The following TSHZ2 variants were observed in gnomAD, a reference collection of about 807,000 sequenced individuals.
The protein encoded by TSHZ2 is teashirt zinc finger homeobox 2.
TSHZ2 carries 21 observed loss-of-function variants against 74.4 expected under a neutral mutation model. The observed-to-expected ratio is 0.28, with a 90% confidence interval of 0.20 to 0.41. TSHZ2 has a LOEUF of 0.41. Among genes scored for constraint, TSHZ2 ranks in the 10% least tolerant of loss-of-function variants. The probability of loss-of-function intolerance (pLI) is 1.00; values close to 1 mark genes in which losing one functional copy is unlikely to be tolerated. For missense variants in TSHZ2, 1,244 were observed against 1,293.5 expected (o/e 0.96, Z 0.59); for synonymous variants, 540 against 515.3 (o/e 1.05, Z -0.65).
intron 1 of TSHZ2, among the ~76,000 whole-genome samples, chr20:53,031,234 G>A (rs959530164): frequency 3.3e-5 from 5 of 152,190 alleles, no homozygotes; most frequent in African/African-American, 1.2e-4. Flanking sequence ...ATATTCACAA[G>A]CTTTGAAGGT....
At chr20:53,429,821 T>TTG (rs145356694) in intron 2 of TSHZ2, among the ~76,000 whole-genome samples, 15 of 151,620 alleles carry the variant, frequency 9.9e-5, no homozygotes, top group East Asian at 1.9e-4. Flanking sequence ...GCATATTCAA[T>TTG]TGTGTGTGTG....
intron 1 of TSHZ2, among the ~76,000 whole-genome samples, chr20:53,173,154 T>G (rs767364860): frequency 2.0e-5 from 3 of 152,148 alleles, no homozygotes; most frequent in Non-Finnish European, 4.4e-5. Flanking sequence ...ACAGTCTAGC[T>G]GAGAACAGGA....
At chr20:53,342,298 C>CTT (rs150260645) in intron 2 of TSHZ2, among the ~76,000 whole-genome samples, 3 of 115,348 alleles carry the variant, frequency 2.6e-5, no homozygotes, top group Admixed American at 9.1e-5. Context: ...TCTTCTCAGG[C>CTT]TTTTTTTTTT....
At position 53,256,553 on chromosome 20, in the gene TSHZ2, A is replaced by G. The variant is rs762273377; in HGVS notation, c.3095A>G (p.Asp1032Gly). ...CATTCACAGTTTGTAACAGACGTGGATGAAGAATAGCTCTGCAGGTATGGG... is the reference window on the plus strand; with the variant it reads ...CATTCACAGTTTGTAACAGACGTGGGTGAAGAATAGCTCTGCAGGTATGGG... ...EHHSQFVTDVDEE is the reference protein window; with the variant it reads ...EHHSQFVTDVGEE The change falls in exon 2 of 3, where the codon GAT becomes GGT. Residue 1032 changes from aspartate (D) to glycine (G), a missense_variant. Physicochemically the swap from Asp to Gly is moderately conservative, Grantham distance 94. Around this residue, in one of 6 missense-constraint regions of TSHZ2, gnomAD observed 185 missense variants for 213.3 expected, o/e 0.87. Transcript: ENST00000371497. The surrounding 1 kb of genome is among the most constrained non-coding windows in gnomAD (Gnocchi z 4.3). The G allele has an allele frequency of 1.0e-5, 16 of 1,586,468 alleles. No homozygotes were observed. Among genetic ancestry groups the G allele is most frequent in the Non-Finnish European group, 1.3e-5 (15 of 1,162,806 alleles).
At chr20:53,478,671 A>T (rs1052188108) in intron 2 of TSHZ2, among the ~76,000 whole-genome samples, 9 of 151,532 alleles carry the variant, frequency 5.9e-5, no homozygotes, top group South Asian at 2.1e-4. Context: ...AATAAATAAA[A>T]AATAAAAATA....
chr20:53,268,203 C>A (rs559825976), intron 2 of TSHZ2, among the ~76,000 whole-genome samples: 1 of 152,256 alleles, frequency 6.6e-6, no homozygotes, highest in East Asian at 1.9e-4. Flanking sequence ...CATGTTGGAG[C>A]CTCCAATACA....
intron 1 of TSHZ2, among the ~76,000 whole-genome samples, chr20:53,184,604 A>G (rs149828318): frequency 6.8e-4 from 103 of 152,372 alleles, no homozygotes; most frequent in Non-Finnish European, 1.1e-3. Flanking sequence ...GCATATATGT[A>G]TATTTAAACA....
chr20:53,470,636 G>C (rs1377205496), intron 2 of TSHZ2, among the ~76,000 whole-genome samples: 1 of 152,024 alleles, frequency 6.6e-6, no homozygotes, highest in African/African-American at 2.4e-5. Flanking sequence ...GGCCAAAATA[G>C]TGAAACCCGC....
At chr20:53,045,180 C>T (rs976749020) in intron 1 of TSHZ2, among the ~76,000 whole-genome samples, 1 of 152,170 alleles carries the variant, frequency 6.6e-6, no homozygotes, top group Admixed American at 6.5e-5. Flanking sequence ...AGAGCAGCCA[C>T]CATCTGACAC....
chr20:53,182,253 ATT>A (rs1298516650), intron 1 of TSHZ2, among the ~76,000 whole-genome samples: 1 of 76,762 alleles, frequency 1.3e-5, no homozygotes, highest in African/African-American at 4.6e-5. Context: ...TCCTTCTATC[ATT>A]TTTTCTCTCC....
rs183005056 is a variant in TSHZ2, at chr20:53,280,700, T to G, written c.*8+24129T>G. 2.7e-3 allele frequency among the ~76,000 whole-genome samples: 410 copies of G among 151,950 alleles called. 4 individuals are homozygous for G. Among genetic ancestry groups the G allele is most frequent in the African/African-American group, 9.6e-3 (396 of 41,370 alleles). Reference sequence around the variant, plus strand: ...TTGTTGTTGTGTGTGGGGGTTTTTTTGTGTGTTTTTTTGAGATGGAGTCTA... The same window carrying G: ...TTGTTGTTGTGTGTGGGGGTTTTTTGGTGTGTTTTTTTGAGATGGAGTCTA... On this transcript the variant is annotated intron_variant, in intron 2 of 2. Coordinates refer to ENST00000371497, the MANE Select transcript of TSHZ2 (RefSeq NM_173485.6).
intron 2 of TSHZ2, among the ~76,000 whole-genome samples, chr20:53,292,687 T>A (rs1991302850): frequency 6.6e-6 from 1 of 152,120 alleles, no homozygotes; most frequent in Non-Finnish European, 1.5e-5. Flanking sequence ...TGGCTACAAT[T>A]TCCTTTTCCA....
chr20:53,307,306 C>G (rs1395438670), intron 2 of TSHZ2, among the ~76,000 whole-genome samples: 1 of 152,120 alleles, frequency 6.6e-6, no homozygotes, highest in African/African-American at 2.4e-5. Flanking sequence ...TACAAAAGAG[C>G]TGACCCAAAC....
intron 1 of TSHZ2, among the ~76,000 whole-genome samples, chr20:53,223,414 C>G (rs972317290): frequency 1.3e-5 from 2 of 152,002 alleles, no homozygotes; most frequent in Non-Finnish European, 2.9e-5. Context: ...TTATTTGAGA[C>G]GGGGTCTTGC....
At chr20:53,027,503 A>G (rs932207943) in intron 1 of TSHZ2, among the ~76,000 whole-genome samples, 6 of 152,178 alleles carry the variant, frequency 3.9e-5, no homozygotes, top group African/African-American at 1.4e-4. Context: ...AGGGGAAGGG[A>G]TGGTAGAAGA....
intron 1 of TSHZ2, among the ~76,000 whole-genome samples, chr20:53,070,690 A>G (rs1985144848): frequency 6.6e-6 from 1 of 152,178 alleles, no homozygotes; most frequent in African/African-American, 2.4e-5. Flanking sequence ...TTACCAATGT[A>G]GTGGCTTTTA....
At chr20:53,283,402 C>A (rs1991102427) in intron 2 of TSHZ2, among the ~76,000 whole-genome samples, 1 of 152,168 alleles carries the variant, frequency 6.6e-6, no homozygotes, top group Non-Finnish European at 1.5e-5. Flanking sequence ...TGCCATCACA[C>A]CAGATAGGTC....
chr20:53,494,897 T>A lies in TSHZ2; in HGVS notation c.*7762T>A, dbSNP rs1173093922. On this transcript the variant is annotated 3_prime_UTR_variant, in exon 3 of 3. Transcript: ENST00000371497. ...AGTTATTGGAAATAGACTGTTCCCA[T>A]CTGAAACCGTATCGTAATTTGCATC... is the stretch of plus-strand genomic sequence containing the variant. 1 of 152,064 alleles carries A rather than the reference T, an allele frequency of 6.6e-6. No individual in the cohort carries two copies. Among genetic ancestry groups the A allele is most frequent in the African/African-American group, 2.4e-5 (1 of 41,406 alleles). The allele number at this position is 152,064 out of a possible 1,614,324, so 9.4% of individuals were successfully genotyped here. A position where few individuals can be genotyped will look rare whatever the true frequency, so the allele number is the denominator to read the frequency against.
At chr20:53,243,286 G>A (rs1306181563) in intron 1 of TSHZ2, among the ~76,000 whole-genome samples, 1 of 152,138 alleles carries the variant, frequency 6.6e-6, no homozygotes, top group Non-Finnish European at 1.5e-5. Context: ...TAAACAAAAT[G>A]AACAGTGATA....
Sources: gnomAD v4.1 joint callset for allele counts (sites outside exome capture counted in the v4.1 genomes callset) on GRCh38, gnomAD v4.1.1 for gene constraint, gnomAD v4.1.1 regional missense constraint, Gnocchi (gnomAD v3.1) non-coding constraint, MANE v1.5 for transcripts, NCBI Gene and HGNC (gene_info 2026-07-23, HGNC 2026-07-21) for gene names.